Variants in IGFL2 observed in about 807,000 individuals in gnomAD.
IGFL2 encodes IGF like family member 2.
Under a neutral mutation model 13.9 loss-of-function variants are expected in IGFL2, and 7 were observed. The observed-to-expected ratio is 0.51, with a 90% CI of 0.29 to 0.95. The LOEUF (loss-of-function observed/expected upper bound fraction) is 0.95, where lower values mean the gene tolerates loss of function less well. Ranked by LOEUF, IGFL2 falls within the 40% of genes least tolerant of loss-of-function variation. The pLI is 0.08. For missense variants in IGFL2, 138 were observed against 147.8 expected (o/e 0.93, Z 0.34); for synonymous variants, 55 against 55.8 (o/e 0.99, Z 0.07).
At chr19:46,145,019 A>G (rs964188762), upstream of IGFL2, among the ~76,000 whole-genome samples, 1 of 151,964 alleles carries the variant, frequency 6.6e-6, no homozygotes, top group African/African-American at 2.4e-5. Flanking sequence ...TGTGTCTCCC[A>G]TTTCCCCTGT....
At chr19:46,092,937 C>G in the IGFL2 span, among the ~76,000 whole-genome samples, 1 of 152,102 alleles carries the variant, frequency 6.6e-6, no homozygotes, top group South Asian at 2.1e-4. Flanking sequence ...TACAAGGTAG[C>G]CTTAACCAGA....
the IGFL2 span, among the ~76,000 whole-genome samples, chr19:46,114,499 C>G: frequency 1.3e-5 from 2 of 152,278 alleles, no homozygotes; most frequent in Non-Finnish European, 2.9e-5. Context: ...GTCATGGGTG[C>G]TGATATGGTT....
At chr19:46,120,388 A>T in the IGFL2 span, 2 of 1,610,242 alleles carry the variant, frequency 1.2e-6, no homozygotes, top group Non-Finnish European at 1.7e-6. Context: ...AAAGTGTCTT[A>T]ACAACATATA....
At chr19:46,119,796 G>A in the IGFL2 span, among the ~76,000 whole-genome samples, 1 of 149,708 alleles carries the variant, frequency 6.7e-6, no homozygotes, top group Non-Finnish European at 1.5e-5. Flanking sequence ...AGTGGGTGGG[G>A]TGGGGTGGGG....
the IGFL2 span, among the ~76,000 whole-genome samples, chr19:46,122,452 G>T: frequency 7.9e-5 from 12 of 151,090 alleles, no homozygotes; most frequent in Admixed American, 6.6e-4. Flanking sequence ...TGAGCCAAAA[G>T]ATACAGATAA....
the IGFL2 span, among the ~76,000 whole-genome samples, chr19:46,117,592 C>T: frequency 0.039 from 5,918 of 152,206 alleles, 166 homozygotes; most frequent in Non-Finnish European, 0.052. Context: ...GATCCTCCCA[C>T]GTCAGCCTCT....
At chr19:46,168,202 T>A in the IGFL2 span, among the ~76,000 whole-genome samples, 4 of 152,194 alleles carry the variant, frequency 2.6e-5, no homozygotes, top group Non-Finnish European at 4.4e-5. Flanking sequence ...CCCAAAGCAC[T>A]GAGATTACAG....
At chr19:46,162,310 G>C (rs1017075723), downstream of IGFL2, among the ~76,000 whole-genome samples, 3 of 152,090 alleles carry the variant, frequency 2.0e-5, no homozygotes, top group African/African-American at 7.2e-5. Flanking sequence ...AGAGTTCTCT[G>C]TATTTCCTGA....
chr19:46,158,435 T>G (rs1334041373), intron 1 of IGFL2, among the ~76,000 whole-genome samples: 1 of 151,746 alleles, frequency 6.6e-6, no homozygotes. Context: ...GGTCTTGATC[T>G]CCTGACCTCG....
intron 1 of IGFL2, among the ~76,000 whole-genome samples, chr19:46,157,974 G>A (rs1250864903): frequency 2.0e-5 from 3 of 152,056 alleles, no homozygotes; most frequent in Middle Eastern, 3.2e-3. Context: ...AAAATCAATC[G>A]TGTTTCTTTA....
chr19:46,123,742 G>A, the IGFL2 span: 1 of 876,504 alleles, frequency 1.1e-6, no homozygotes, highest in Non-Finnish European at 1.8e-6. Context: ...TAGCTTATCT[G>A]CTTCTTCTTT....
chr19:46,120,371 C>G, the IGFL2 span: 1 of 1,610,552 alleles, frequency 6.2e-7, no homozygotes, highest in Admixed American at 1.7e-5. Flanking sequence ...TCACAGTGCC[C>G]CAAATCAAAG....
the IGFL2 span, among the ~76,000 whole-genome samples, chr19:46,173,339 A>G: frequency 1.4e-4 from 21 of 152,338 alleles, no homozygotes; most frequent in Admixed American, 1.2e-3. Context: ...TCGTATCCTC[A>G]TGTGATTCAC....
chr19:46,174,325 A>C, the IGFL2 span, among the ~76,000 whole-genome samples: 1 of 152,202 alleles, frequency 6.6e-6, no homozygotes, highest in African/African-American at 2.4e-5. Flanking sequence ...GGCCCTTGTA[A>C]GTGCAGGGGA....
chr19:46,210,944 A>C, the IGFL2 span, among the ~76,000 whole-genome samples: 2 of 152,184 alleles, frequency 1.3e-5, no homozygotes, highest in African/African-American at 4.8e-5. Flanking sequence ...GAAGCTTCAC[A>C]CTTTCCTTCC....
chr19:46,183,338 G>A, the IGFL2 span, among the ~76,000 whole-genome samples: 1 of 152,028 alleles, frequency 6.6e-6, no homozygotes, highest in East Asian at 1.9e-4. Flanking sequence ...GGGACACAGA[G>A]CCAAAGCATA....
At chr19:46,118,232 A>G in the IGFL2 span, among the ~76,000 whole-genome samples, 1 of 152,252 alleles carries the variant, frequency 6.6e-6, no homozygotes, top group Non-Finnish European at 1.5e-5. Flanking sequence ...GAGATGAATC[A>G]TAACGGCTGA....
the IGFL2 span, among the ~76,000 whole-genome samples, chr19:46,188,838 T>A: frequency 6.6e-6 from 1 of 152,200 alleles, no homozygotes; most frequent in African/African-American, 2.4e-5. Context: ...CTTTAGCAAC[T>A]CGGACAGAGC....
chr19:46,154,486 C>T (rs1973699576), intron 1 of IGFL2, among the ~76,000 whole-genome samples: 1 of 152,162 alleles, frequency 6.6e-6, no homozygotes, highest in Non-Finnish European at 1.5e-5. Context: ...CTCTGTCGCC[C>T]AGGCTGGAGT....
Sources: gnomAD v4.1 joint callset for allele counts (sites outside exome capture counted in the v4.1 genomes callset) on GRCh38, gnomAD v4.1.1 for gene constraint, MANE v1.5 for transcripts, NCBI Gene and HGNC (gene_info 2026-07-23, HGNC 2026-07-21) for gene names.